Variants in SDCCAG8 observed in about 807,000 individuals in gnomAD.
SDCCAG8 encodes the protein SHH signaling and ciliogenesis regulator SDCCAG8, also known as serologically defined colon cancer antigen 8.
A neutral mutation model predicts 101.8 loss-of-function variants in SDCCAG8; 74 were observed. That is an observed-to-expected ratio of 0.73 (90% confidence interval 0.60 to 0.88). SDCCAG8 has a LOEUF of 0.88. SDCCAG8 is among the 40% of genes least tolerant of loss of function. The pLI is 0.00. For missense variants in SDCCAG8, 787 were observed against 822.6 expected, an observed-to-expected ratio of 0.96 and a Z score of 0.53; for synonymous variants, 281 against 292.9, an observed-to-expected ratio of 0.96 and a Z score of 0.41.
In SDCCAG8 at chr1:243,269,970, G is replaced by A. The variant is rs2067952476; in HGVS notation, c.68-135G>A. On this transcript the variant is annotated intron_variant, in intron 1 of 17. Coordinates refer to ENST00000366541, the MANE Select transcript of SDCCAG8 (RefSeq NM_006642.5). ...CTTTGGCACATCCCTCAGCAAGCTA[G>A]AAACAGAACTCTGCGTTTTTTCCAT... 7.3e-6 allele frequency: 9 copies of A among 1,226,990 alleles called. No homozygotes were observed. The Admixed American group carries it at 1.8e-4, about 24-fold the overall frequency. 76.0% of individuals were successfully genotyped at this position (1,226,990 alleles called of 1,614,324 possible).
At chr1:243,413,766 G>A (rs1180803336) in intron 13 of SDCCAG8, among the ~76,000 whole-genome samples, 1 of 152,178 alleles carries the variant, frequency 6.6e-6, no homozygotes, top group Non-Finnish European at 1.5e-5. Flanking sequence ...CCCCGGCAGG[G>A]GGTCTGACTT....
intron 4 of SDCCAG8, among the ~76,000 whole-genome samples, chr1:243,284,568 C>T (rs554897188): frequency 1.3e-5 from 2 of 152,082 alleles, no homozygotes; most frequent in Non-Finnish European, 2.9e-5. Flanking sequence ...TTAAGTTAGA[C>T]GAGATAGCTA....
At chr1:243,495,879 G>C (rs570690376) in intron 17 of SDCCAG8, among the ~76,000 whole-genome samples, 1 of 152,298 alleles carries the variant, frequency 6.6e-6, no homozygotes, top group East Asian at 1.9e-4. Flanking sequence ...TCATCTGCCA[G>C]AGCAAGCAGG....
intron 16 of SDCCAG8, among the ~76,000 whole-genome samples, chr1:243,479,903 G>T (rs921898419): frequency 1.3e-5 from 2 of 151,770 alleles, no homozygotes; most frequent in African/African-American, 4.8e-5. Context: ...AGTCATCCAG[G>T]GGCCTTATTA....
intron 10 of SDCCAG8, 36 bp downstream of exon 10, chr1:243,330,728 A>T (rs1388951569): frequency 6.2e-7 from 1 of 1,611,752 alleles, no homozygotes; most frequent in Non-Finnish European, 8.5e-7. Flanking sequence ...ACATTGCAGA[A>T]GAAAGGTTTT....
chr1:243,447,710 A>T (rs2083039991), intron 16 of SDCCAG8, among the ~76,000 whole-genome samples: 1 of 152,230 alleles, frequency 6.6e-6, no homozygotes, highest in Non-Finnish European at 1.5e-5. Context: ...AGAGAGTCAG[A>T]ATGTACATTA....
intron 15 of SDCCAG8, among the ~76,000 whole-genome samples, chr1:243,421,651 C>G (rs2148029518): frequency 6.6e-6 from 1 of 152,268 alleles, no homozygotes; most frequent in East Asian, 1.9e-4. Flanking sequence ...AAATGAACTG[C>G]CGATTCTGTG....
intron 6 of SDCCAG8, among the ~76,000 whole-genome samples, chr1:243,294,707 C>G (rs570189103): frequency 2.1e-5 from 3 of 140,602 alleles, no homozygotes; most frequent in Admixed American, 7.1e-5. Flanking sequence ...CCCCCCCCCC[C>G]CCACAGCTGC....
In SDCCAG8 at chr1:243,350,001, A is replaced by T. The variant is rs538649169; in HGVS notation, c.1473+5670A>T. Among the ~76,000 whole-genome samples the T allele has an allele frequency of 4.6e-5, 7 of 152,298 alleles. No homozygotes were observed. The South Asian group carries it at 1.5e-3, about 32-fold the overall frequency. On this transcript the variant is annotated intron_variant, in intron 12 of 17. Coordinates refer to ENST00000366541, the MANE Select transcript of SDCCAG8 (RefSeq NM_006642.5). The stretch of plus-strand genomic sequence containing the variant: ...TCCAAAAATTTTGGCTGGAAAAATG[A>T]GGGCAAAAAAGGATTTGAGGGTTGC...
chr1:243,295,394 T>C (rs2070769863), intron 6 of SDCCAG8, among the ~76,000 whole-genome samples: 1 of 151,986 alleles, frequency 6.6e-6, no homozygotes, highest in African/African-American at 2.4e-5. Flanking sequence ...TGCGCCACCA[T>C]GCCCGGCTGA....
At chr1:243,346,112 T>C (rs1416893792) in intron 12 of SDCCAG8, 2 of 154,360 alleles carry the variant, frequency 1.3e-5, no homozygotes, top group Non-Finnish European at 1.5e-5. Flanking sequence ...TTAACTGTTT[T>C]GTATTGAACA....
intron 13 of SDCCAG8, among the ~76,000 whole-genome samples, chr1:243,386,468 A>G (rs1047573629): frequency 2.6e-5 from 4 of 152,096 alleles, no homozygotes; most frequent in African/African-American, 7.2e-5. Context: ...TTGGGAGGCT[A>G]AGGCAGGCAG....
At chr1:243,428,273 C>CATTG (rs969938489) in intron 16 of SDCCAG8, among the ~76,000 whole-genome samples, 15 of 152,272 alleles carry the variant, frequency 9.9e-5, no homozygotes, top group South Asian at 6.2e-4. Context: ...GTTCATTCAA[C>CATTG]ATTGATTGAT....
chr1:243,325,039 C>CTCT (rs2074048118), intron 9 of SDCCAG8, among the ~76,000 whole-genome samples: 1 of 152,134 alleles, frequency 6.6e-6, no homozygotes, highest in Admixed American at 6.5e-5. Context: ...CTTCTTTTTC[C>CTCT]TCTGTATTCC....
At chr1:243,365,870 T>C (rs1204184913) in intron 12 of SDCCAG8, among the ~76,000 whole-genome samples, 1 of 152,074 alleles carries the variant, frequency 6.6e-6, no homozygotes, top group African/African-American at 2.4e-5. Context: ...TCTGGGAAAA[T>C]ATTCCATCTG....
intron 16 of SDCCAG8, among the ~76,000 whole-genome samples, chr1:243,442,013 G>A (rs1318854687): frequency 2.0e-5 from 3 of 152,104 alleles, no homozygotes; most frequent in East Asian, 3.9e-4. Context: ...GCAAAAAGAG[G>A]CTCTTTAAAG....
At chr1:243,359,980 A>G (rs1470129817) in intron 12 of SDCCAG8, among the ~76,000 whole-genome samples, 1 of 152,098 alleles carries the variant, frequency 6.6e-6, no homozygotes, top group Non-Finnish European at 1.5e-5. Context: ...GTAAGTATAT[A>G]ATGGTATCTC....
chr1:243,394,401 A>G (rs1377630009), intron 13 of SDCCAG8, among the ~76,000 whole-genome samples: 1 of 152,140 alleles, frequency 6.6e-6, no homozygotes, highest in Non-Finnish European at 1.5e-5. Flanking sequence ...TCGCAAATTC[A>G]TTTTCCCCCT....
At chr1:243,316,709 A>T (rs780791623) in intron 8 of SDCCAG8, 46 bp from the exon 9 acceptor site, 1 of 1,612,756 alleles carries the variant, frequency 6.2e-7, no homozygotes, top group South Asian at 1.1e-5. Flanking sequence ...TGAGGACAGG[A>T]TCGTTTGATC....
Sources: allele counts gnomAD v4.1 joint callset (sites outside exome capture counted in the v4.1 genomes callset), GRCh38; gene constraint gnomAD v4.1.1; transcripts MANE v1.5; gene names NCBI Gene and HGNC (gene_info 2026-07-23, HGNC 2026-07-21).